LUZP2: variants seen among roughly 807,000 people sequenced by gnomAD.
LUZP2 encodes the protein leucine zipper protein 2.
A neutral mutation model predicts 51.6 loss-of-function variants in LUZP2; 52 were observed. The ratio of observed to expected loss-of-function variants is 1.01; its 90% CI spans 0.81 to 1.27. The LOEUF is 1.27. Ranked by LOEUF, LUZP2 falls within the 50% of genes most tolerant of loss-of-function variation. LUZP2 has a pLI of 0.00. For synonymous variants in LUZP2, 154 were observed against 137.3 expected (o/e 1.12, Z -0.85); for missense variants, 436 against 395.4 (o/e 1.10, Z -0.87).
intron 5 of LUZP2, among the ~76,000 whole-genome samples, chr11:24,789,642 T>C (rs1849352181): frequency 6.6e-6 from 1 of 152,170 alleles, no homozygotes; most frequent in African/African-American, 2.4e-5. Context: ...GGGTGGCTTA[T>C]AAACAACAGA....
chr11:24,762,264 T>C (rs1462022769), intron 4 of LUZP2, among the ~76,000 whole-genome samples: 3 of 152,130 alleles, frequency 2.0e-5, no homozygotes, highest in Admixed American at 2.0e-4. Context: ...TCAGGAAACT[T>C]CTAAGAATAC....
At chr11:24,738,187 T>G (rs1336581614) in intron 3 of LUZP2, 34 bp from the exon 4 acceptor site, 1 of 1,373,252 alleles carries the variant, frequency 7.3e-7, no homozygotes, top group African/African-American at 1.4e-5. Context: ...ATTATATTAT[T>G]TTCTCACTTA....
At chr11:24,641,814 G>A (rs542798747) in intron 1 of LUZP2, among the ~76,000 whole-genome samples, 3 of 151,982 alleles carry the variant, frequency 2.0e-5, no homozygotes, top group Non-Finnish European at 4.4e-5. Context: ...AATTGCAATT[G>A]TTATCTGGGA....
At chr11:24,705,853 T>A (rs1762639609) in intron 1 of LUZP2, among the ~76,000 whole-genome samples, 1 of 149,502 alleles carries the variant, frequency 6.7e-6, no homozygotes, top group Admixed American at 6.7e-5. Flanking sequence ...CAAATAAAAA[T>A]GACATGCAAA....
At chr11:24,949,808 C>T (rs1167698438) in intron 7 of LUZP2, among the ~76,000 whole-genome samples, 1 of 151,650 alleles carries the variant, frequency 6.6e-6, no homozygotes, top group Admixed American at 6.6e-5. Context: ...ATGTGTAGAA[C>T]ACGCAGGTGA....
At chr11:24,763,634 G>A (rs1358201442) in intron 5 of LUZP2, among the ~76,000 whole-genome samples, 1 of 152,064 alleles carries the variant, frequency 6.6e-6, no homozygotes, top group Non-Finnish European at 1.5e-5. Flanking sequence ...CACTGAAGAA[G>A]AAAGCTAGCT....
At chr11:24,518,317 G>T (rs1369811723) in intron 1 of LUZP2, among the ~76,000 whole-genome samples, 1 of 151,954 alleles carries the variant, frequency 6.6e-6, no homozygotes, top group African/African-American at 2.4e-5. Context: ...CTAACATCTA[G>T]GTTCTTATAA....
intron 5 of LUZP2, among the ~76,000 whole-genome samples, chr11:24,814,592 C>T (rs967666332): frequency 6.6e-6 from 1 of 152,096 alleles, no homozygotes; most frequent in Non-Finnish European, 1.5e-5. Flanking sequence ...GTTTCTTTAT[C>T]GACCCACACA....
chr11:24,784,388 A>T (rs1246757267), intron 5 of LUZP2, among the ~76,000 whole-genome samples: 2 of 151,934 alleles, frequency 1.3e-5, no homozygotes, highest in Admixed American at 6.6e-5. Flanking sequence ...CCGATAAATT[A>T]TAAGGGTATA....
intron 4 of LUZP2, among the ~76,000 whole-genome samples, chr11:24,753,512 T>C (rs1208188081): frequency 6.6e-6 from 1 of 152,128 alleles, no homozygotes; most frequent in Non-Finnish European, 1.5e-5. Context: ...GTATGAGTTA[T>C]TAAAATTGCT....
chr11:24,704,607 A>AATATAT (rs146367882), intron 1 of LUZP2, among the ~76,000 whole-genome samples: 2 of 148,254 alleles, frequency 1.3e-5, no homozygotes, highest in South Asian at 4.2e-4. Context: ...TATATGCAAG[A>AATATAT]ATATATATAT....
intron 5 of LUZP2, among the ~76,000 whole-genome samples, chr11:24,810,002 C>T (rs780745593): frequency 2.0e-5 from 3 of 152,090 alleles, no homozygotes; most frequent in Admixed American, 6.6e-5. Flanking sequence ...TGTGTTTTCC[C>T]CACTAAAGGA....
intron 5 of LUZP2, among the ~76,000 whole-genome samples, chr11:24,775,501 G>C (rs1848890292): frequency 1.3e-5 from 2 of 152,116 alleles, no homozygotes; most frequent in African/African-American, 4.8e-5. Context: ...TGATACGTCA[G>C]CCAGCTTTCT....
At chr11:24,839,118 T>G (rs926792396) in intron 5 of LUZP2, among the ~76,000 whole-genome samples, 1 of 151,692 alleles carries the variant, frequency 6.6e-6, no homozygotes, top group African/African-American at 2.4e-5. Flanking sequence ...TTTCCCAAAA[T>G]TACAATATCT....
chr11:24,824,365 T>C (rs1850457146), intron 5 of LUZP2, among the ~76,000 whole-genome samples: 1 of 1,186 alleles, frequency 8.4e-4, no homozygotes, highest in Non-Finnish European at 2.1e-3. Flanking sequence ...AAACCCCATC[T>C]CAAAAAAAAA....
intron 1 of LUZP2, among the ~76,000 whole-genome samples, chr11:24,678,840 T>C (rs1856646485): frequency 6.6e-6 from 1 of 152,218 alleles, no homozygotes; most frequent in South Asian, 2.1e-4. Context: ...GTAAGAGAGT[T>C]CATATAATCA....
intron 1 of LUZP2, among the ~76,000 whole-genome samples, chr11:24,618,827 C>T (rs1161581486): frequency 1.3e-5 from 2 of 151,978 alleles, no homozygotes; most frequent in Non-Finnish European, 1.5e-5. Context: ...GTTTTGGAAA[C>T]GGAATACGCC....
chr11:24,955,705 C>T (rs1855193276), intron 7 of LUZP2, among the ~76,000 whole-genome samples: 1 of 151,812 alleles, frequency 6.6e-6, no homozygotes, highest in Non-Finnish European at 1.5e-5. Context: ...ATTTCATGAC[C>T]AGGGATATAA....
At chr11:24,911,081 A>C (rs543628308) in intron 6 of LUZP2, among the ~76,000 whole-genome samples, 1 of 152,336 alleles carries the variant, frequency 6.6e-6, no homozygotes, top group Non-Finnish European at 1.5e-5. Flanking sequence ...TCAGCATTGC[A>C]TGGAGCCTGT....
Sources: allele counts gnomAD v4.1 joint callset (sites outside exome capture counted in the v4.1 genomes callset), GRCh38; gene constraint gnomAD v4.1.1; transcripts MANE v1.5; gene names NCBI Gene and HGNC (gene_info 2026-07-23, HGNC 2026-07-21).